The following CLSTN2 variants were observed in gnomAD, a reference collection of about 807,000 sequenced individuals.
CLSTN2 encodes the protein calsyntenin 2, also known as calsyntenin-2.
In CLSTN2, 48 loss-of-function variants were observed where a neutral mutation model predicts 101.2. The ratio of observed to expected loss-of-function variants is 0.47; its 90% CI spans 0.38 to 0.60. CLSTN2 has a LOEUF of 0.60. Ranked by LOEUF, CLSTN2 falls within the 20% of genes least tolerant of loss-of-function variation. The pLI, the probability that CLSTN2 is intolerant of heterozygous loss-of-function variation, is 0.00. For synonymous variants in CLSTN2, 481 were observed against 463.6 expected (o/e 1.04, Z -0.48); for missense variants, 1,160 against 1,238.2 (o/e 0.94, Z 0.95).
chr3:139,976,760 G>A (rs1396653674), intron 1 of CLSTN2, among the ~76,000 whole-genome samples: 1 of 152,176 alleles, frequency 6.6e-6, no homozygotes, highest in South Asian at 2.1e-4. Flanking sequence ...CCTGTAATAT[G>A]AGGGTGTGAA....
rs188389915 is a variant in CLSTN2, at chr3:140,390,658, A to G, written c.233-12971A>G. 5.3e-5 allele frequency among the ~76,000 whole-genome samples: 8 copies of G among 152,298 alleles called. No homozygotes were observed. In the East Asian group the frequency reaches 1.5e-3, roughly 29 times the overall value. ...TATCCATTACTTTCTTGATCACTTC[A>G]TGCCTTATTCTTTATGATTGTGGAG... On this transcript the variant is annotated intron_variant, in intron 2 of 16. Coordinates refer to ENST00000458420, the MANE Select transcript of CLSTN2 (RefSeq NM_022131.3).
chr3:140,133,017 T>TA (rs1243098207), intron 1 of CLSTN2, among the ~76,000 whole-genome samples: 4 of 152,008 alleles, frequency 2.6e-5, no homozygotes, highest in African/African-American at 7.3e-5. Context: ...TTATTTTTTT[T>TA]AAAAAAGAGG....
intron 2 of CLSTN2, among the ~76,000 whole-genome samples, chr3:140,350,850 C>T (rs2087598252): frequency 6.6e-6 from 1 of 152,098 alleles, no homozygotes; most frequent in Non-Finnish European, 1.5e-5. Flanking sequence ...AGTAAAGTTG[C>T]CAAAAATCTA....
chr3:140,055,685 G>A (rs2008083779), intron 1 of CLSTN2, among the ~76,000 whole-genome samples: 1 of 152,130 alleles, frequency 6.6e-6, no homozygotes, highest in African/African-American at 2.4e-5. Flanking sequence ...TTTTCCTTCT[G>A]TCTCCTTGAA....
chr3:139,997,512 A>G (rs2107745891), intron 1 of CLSTN2, among the ~76,000 whole-genome samples: 1 of 152,296 alleles, frequency 6.6e-6, no homozygotes, highest in Admixed American at 6.5e-5. Context: ...TTCCATGTAT[A>G]TGAAGATCTC....
intron 2 of CLSTN2, among the ~76,000 whole-genome samples, chr3:140,227,002 C>A (rs569976957): frequency 4.6e-5 from 7 of 152,262 alleles, no homozygotes; most frequent in South Asian, 4.2e-4. Context: ...GGTGGGGACA[C>A]AACCAAACCA....
At chr3:140,321,563 C>T (rs112543060) in intron 2 of CLSTN2, among the ~76,000 whole-genome samples, 1 of 152,124 alleles carries the variant, frequency 6.6e-6, no homozygotes, top group Admixed American at 6.5e-5. Context: ...TAATGTAACA[C>T]CCCTGCAAGC....
intron 2 of CLSTN2, among the ~76,000 whole-genome samples, chr3:140,314,215 G>A (rs922676807): frequency 4.6e-5 from 7 of 152,222 alleles, no homozygotes; most frequent in South Asian, 2.1e-4. Flanking sequence ...GAAAAAGTTG[G>A]GTAAAGATAA....
At chr3:140,444,138 A>G (rs771108150) in intron 5 of CLSTN2, among the ~76,000 whole-genome samples, 2 of 152,198 alleles carry the variant, frequency 1.3e-5, no homozygotes, top group Non-Finnish European at 1.5e-5. Context: ...TCCTCAGAAT[A>G]GTGGAGGAGT....
At chr3:139,996,103 G>T (rs1389800909) in intron 1 of CLSTN2, among the ~76,000 whole-genome samples, 2 of 152,100 alleles carry the variant, frequency 1.3e-5, no homozygotes, top group Non-Finnish European at 2.9e-5. Context: ...TAAAGGTTGT[G>T]ATTATTATTA....
At chr3:140,076,754 T>G (rs1331239789) in intron 1 of CLSTN2, among the ~76,000 whole-genome samples, 3 of 151,018 alleles carry the variant, frequency 2.0e-5, no homozygotes, top group Admixed American at 6.6e-5. Context: ...CCTGCATGAT[T>G]TATTTGGTAC....
intron 1 of CLSTN2, among the ~76,000 whole-genome samples, chr3:139,943,705 C>T (rs914241419): frequency 2.6e-5 from 4 of 152,188 alleles, no homozygotes; most frequent in East Asian, 1.9e-4. Context: ...AACAGGCTAC[C>T]GGTTCCCATC....
intron 2 of CLSTN2, among the ~76,000 whole-genome samples, chr3:140,360,450 T>C (rs1382660774): frequency 6.6e-6 from 1 of 152,230 alleles, no homozygotes; most frequent in Admixed American, 6.5e-5. Flanking sequence ...GAGAAGCATT[T>C]GAGTGATCAA....
intron 1 of CLSTN2, among the ~76,000 whole-genome samples, chr3:140,086,207 G>T (rs1011750429): frequency 6.6e-6 from 1 of 152,160 alleles, no homozygotes; most frequent in Non-Finnish European, 1.5e-5. Context: ...TGAGAAAAAT[G>T]TTGAACCTAT....
intron 8 of CLSTN2, among the ~76,000 whole-genome samples, chr3:140,487,304 A>C (rs1934258370): frequency 6.6e-6 from 1 of 152,246 alleles, no homozygotes; most frequent in African/African-American, 2.4e-5. Context: ...ATTTATTTGG[A>C]AAATACTTTG....
chr3:140,370,090 G>A (rs900726293), intron 2 of CLSTN2, among the ~76,000 whole-genome samples: 2 of 152,224 alleles, frequency 1.3e-5, no homozygotes, highest in Non-Finnish European at 2.9e-5. Flanking sequence ...GTGAGAGGAC[G>A]TGTGAACAGG....
intron 1 of CLSTN2, among the ~76,000 whole-genome samples, chr3:140,035,450 A>G (rs971889601): frequency 6.6e-6 from 1 of 152,236 alleles, no homozygotes; most frequent in African/African-American, 2.4e-5. Flanking sequence ...CATAGCAGCC[A>G]ATGTGAGCAC....
intron 2 of CLSTN2, among the ~76,000 whole-genome samples, chr3:140,259,530 A>G (rs2107881729): frequency 6.6e-6 from 1 of 152,288 alleles, no homozygotes; most frequent in Non-Finnish European, 1.5e-5. Context: ...CAATTTGATA[A>G]GTTTTGACAT....
At chr3:140,271,357 A>G (rs1414219879) in intron 2 of CLSTN2, among the ~76,000 whole-genome samples, 1 of 152,142 alleles carries the variant, frequency 6.6e-6, no homozygotes, top group Admixed American at 6.5e-5. Context: ...AAAGTGTCTC[A>G]GTCTGTTTAG....
Sources: gnomAD v4.1 joint callset for allele counts (sites outside exome capture counted in the v4.1 genomes callset) on GRCh38, gnomAD v4.1.1 for gene constraint, MANE v1.5 for transcripts, NCBI Gene and HGNC (gene_info 2026-07-23, HGNC 2026-07-21) for gene names.